The following GLI3 variants were observed in gnomAD, a reference collection of about 807,000 sequenced individuals.
GLI3 encodes GLI family zinc finger 3.
In GLI3, 20 loss-of-function variants were observed where a neutral mutation model predicts 100.8. That is an observed-to-expected ratio of 0.20 (90% confidence interval 0.14 to 0.29). GLI3 has a LOEUF of 0.29. Ranked by LOEUF, GLI3 falls within the 10% of genes least tolerant of loss-of-function variation. The probability of loss-of-function intolerance (pLI) is 1.00; values close to 1 mark genes in which losing one functional copy is unlikely to be tolerated. For synonymous variants in GLI3, 938 were observed against 860.5 expected, an observed-to-expected ratio of 1.09 and a Z score of -1.58; for missense variants, 2,040 against 2,128.5, an observed-to-expected ratio of 0.96 and a Z score of 0.82.
intron 3 of GLI3, among the ~76,000 whole-genome samples, chr7:42,140,715 A>G (rs1243666888): frequency 1.3e-5 from 2 of 152,242 alleles, no homozygotes; most frequent in Non-Finnish European, 2.9e-5. Context: ...ATGAAGATAC[A>G]GCACAAATTT....
intron 2 of GLI3, among the ~76,000 whole-genome samples, chr7:42,191,598 C>T (rs1787828511): frequency 6.6e-6 from 1 of 151,438 alleles, no homozygotes; most frequent in South Asian, 2.1e-4. Context: ...GTTGCGGTGC[C>T]GAGATCACAC....
At chr7:42,160,915 C>G (rs1787117353) in intron 2 of GLI3, among the ~76,000 whole-genome samples, 1 of 152,154 alleles carries the variant, frequency 6.6e-6, no homozygotes, top group Admixed American at 6.5e-5. Context: ...TAAAACTGGT[C>G]ATCTCTTTTA....
intron 10 of GLI3, among the ~76,000 whole-genome samples, chr7:42,004,973 G>A (rs758176157): frequency 6.4e-4 from 98 of 152,220 alleles, no homozygotes; most frequent in Non-Finnish European, 6.3e-4. Context: ...TTTACACAAA[G>A]AGGTTTATTA....
intron 4 of GLI3, among the ~76,000 whole-genome samples, chr7:42,076,433 C>T (rs956935688): frequency 6.6e-6 from 1 of 152,162 alleles, no homozygotes; most frequent in Non-Finnish European, 1.5e-5. Flanking sequence ...CTAATGTCGA[C>T]CAAATACATA....
intron 1 of GLI3, among the ~76,000 whole-genome samples, chr7:42,250,792 A>G (rs1211547312): frequency 6.6e-6 from 1 of 152,208 alleles, no homozygotes; most frequent in African/African-American, 2.4e-5. Context: ...TCCTTCACAT[A>G]AAGGCCAGCG....
intron 10 of GLI3, among the ~76,000 whole-genome samples, chr7:41,984,333 G>T (rs1433129017): frequency 6.6e-6 from 1 of 152,074 alleles, no homozygotes; most frequent in Non-Finnish European, 1.5e-5. Context: ...TCCATGGCTC[G>T]CAGCTCTCCA....
chr7:42,229,293 G>C (rs1788648626), intron 1 of GLI3, among the ~76,000 whole-genome samples: 1 of 152,098 alleles, frequency 6.6e-6, no homozygotes, highest in African/African-American at 2.4e-5. Flanking sequence ...TAAGTTAAAA[G>C]CCTATTTAAT....
chr7:42,031,462 T>C (rs1190386898), intron 7 of GLI3, among the ~76,000 whole-genome samples: 2 of 152,188 alleles, frequency 1.3e-5, no homozygotes, highest in Non-Finnish European at 2.9e-5. Context: ...ACCAAGGTCA[T>C]CAAACTCTTA....
At chr7:42,244,698 C>A (rs934966687) in intron 1 of GLI3, among the ~76,000 whole-genome samples, 1 of 150,708 alleles carries the variant, frequency 6.6e-6, no homozygotes, top group Non-Finnish European at 1.5e-5. Context: ...GAATAAAACA[C>A]CTTTAAAAAA....
At chr7:42,256,653 C>T (rs1789088165) in intron 1 of GLI3, among the ~76,000 whole-genome samples, 1 of 152,172 alleles carries the variant, frequency 6.6e-6, no homozygotes, top group East Asian at 1.9e-4. Context: ...GCCTATCCTG[C>T]ATTAATATCA....
chr7:42,088,450 AG>A (rs1785150115), intron 3 of GLI3, among the ~76,000 whole-genome samples: 1 of 152,118 alleles, frequency 6.6e-6, no homozygotes, highest in African/African-American at 2.4e-5. Context: ...TTTGATTCTT[AG>A]CTTAATTCCA....
chr7:42,236,430 C>G (rs1045238224), intron 1 of GLI3, among the ~76,000 whole-genome samples: 1 of 152,332 alleles, frequency 6.6e-6, no homozygotes, highest in South Asian at 2.1e-4. Context: ...TCTCTCCATC[C>G]GCTCACACCA....
chr7:42,254,150 T>C (rs901482365), intron 1 of GLI3, among the ~76,000 whole-genome samples: 2 of 140,258 alleles, frequency 1.4e-5, no homozygotes, highest in Admixed American at 7.7e-5. Context: ...ACCTGGGAGG[T>C]GGAGGTTGCA....
intron 4 of GLI3, among the ~76,000 whole-genome samples, chr7:42,054,898 G>C (rs1317572706): frequency 6.6e-6 from 1 of 151,862 alleles, no homozygotes; most frequent in Non-Finnish European, 1.5e-5. Context: ...GGGAGGCTGA[G>C]GCAGGAGGAT....
chr7:42,076,403 G>A (rs887898860), intron 4 of GLI3, among the ~76,000 whole-genome samples: 18 of 152,266 alleles, frequency 1.2e-4, no homozygotes, highest in African/African-American at 4.3e-4. Context: ...ACAGAAATTT[G>A]AACATAACAA....
intron 7 of GLI3, 57 bp downstream of exon 7, chr7:42,039,981 A>C: frequency 7.6e-7 from 1 of 1,323,678 alleles, no homozygotes; most frequent in Non-Finnish European, 1.1e-6. Context: ...CTACAGGTGC[A>C]AACAAGTGCT....
intron 2 of GLI3, among the ~76,000 whole-genome samples, chr7:42,160,508 G>A (rs1266343591): frequency 6.6e-6 from 1 of 152,174 alleles, no homozygotes; most frequent in Non-Finnish European, 1.5e-5. Context: ...ATGAAACAAA[G>A]TTTTGACAGC....
chr7:41,969,995 T>A (rs931444910), intron 13 of GLI3, among the ~76,000 whole-genome samples: 1 of 152,194 alleles, frequency 6.6e-6, no homozygotes, highest in East Asian at 1.9e-4. Flanking sequence ...ACATGCTGAA[T>A]GTTGAAAACA....
intron 4 of GLI3, among the ~76,000 whole-genome samples, chr7:42,075,045 C>T (rs748287963): frequency 3.2e-4 from 48 of 152,170 alleles, no homozygotes; most frequent in Non-Finnish European, 4.9e-4. Context: ...TCACCACGGG[C>T]CAATGCAGGT....
Sources: allele counts gnomAD v4.1 joint callset (sites outside exome capture counted in the v4.1 genomes callset), GRCh38; gene constraint gnomAD v4.1.1; transcripts MANE v1.5; gene names NCBI Gene and HGNC (gene_info 2026-07-23, HGNC 2026-07-21).